The following CYRIB variants were observed in gnomAD, a reference collection of about 807,000 sequenced individuals.
CYRIB encodes CYFIP-related Rac1 interactor B.
Under a neutral mutation model 44.2 loss-of-function variants are expected in CYRIB, and 8 were observed. The ratio of observed to expected loss-of-function variants is 0.18; its 90% confidence interval spans 0.11 to 0.33. CYRIB has a LOEUF of 0.33. Ranked by LOEUF, CYRIB falls within the 10% of genes least tolerant of loss-of-function variation. CYRIB has a pLI of 1.00. For missense variants in CYRIB, 185 were observed against 382.8 expected (o/e 0.48, Z 4.31); for synonymous variants, 131 against 127.2 (o/e 1.03, Z -0.20).
intron 1 of CYRIB, among the ~76,000 whole-genome samples, chr8:129,920,537 T>TAG (rs1015992004): frequency 6.6e-6 from 1 of 152,168 alleles, no homozygotes; most frequent in African/African-American, 2.4e-5. Context: ...TTTTAACAGA[T>TAG]AGTCACCCAC....
intron 3 of CYRIB, among the ~76,000 whole-genome samples, chr8:129,875,239 A>C (rs2133570234): frequency 6.6e-6 from 1 of 152,118 alleles, no homozygotes; most frequent in East Asian, 1.9e-4. Flanking sequence ...TCCAACAACT[A>C]GAAGAGGCTA....
exon 7 of CYRIB, chr8:129,854,290 A>G: frequency 6.2e-7 from 1 of 1,610,946 alleles, no homozygotes; most frequent in Non-Finnish European, 8.5e-7. Context: ...TCCTCATACG[A>G]CTCAATGTTC....
intron 2 of CYRIB, among the ~76,000 whole-genome samples, chr8:129,891,652 A>G (rs1323457384): frequency 6.6e-6 from 1 of 152,228 alleles, no homozygotes; most frequent in Non-Finnish European, 1.5e-5. Context: ...ACTTAAAGAA[A>G]TGTGATATAA....
chr8:129,975,943 C>CA (rs533246088), intron 1 of CYRIB, among the ~76,000 whole-genome samples: 188 of 152,252 alleles, frequency 1.2e-3, no homozygotes, highest in African/African-American at 4.4e-3. Context: ...CTGGGACTGA[C>CA]AAGCACCAGG....
intron 2 of CYRIB, among the ~76,000 whole-genome samples, chr8:129,888,984 T>C (rs532993111): frequency 9.2e-5 from 14 of 152,052 alleles, no homozygotes; most frequent in African/African-American, 3.4e-4. Context: ...TCACAGCTAC[T>C]CAGGAGGCTG....
intron 4 of CYRIB, 70 bp from the exon 7 acceptor site, chr8:129,862,404 T>A: frequency 8.4e-7 from 1 of 1,195,722 alleles, no homozygotes; most frequent in Non-Finnish European, 1.2e-6. Context: ...CATTAAAATG[T>A]AGGCTTTAGC....
chr8:129,881,364 C>T (rs563993263), intron 2 of CYRIB, among the ~76,000 whole-genome samples: 4 of 152,194 alleles, frequency 2.6e-5, no homozygotes, highest in East Asian at 1.9e-4. Flanking sequence ...CCAAAGATCC[C>T]GTTGCTGGCA....
At position 129,895,327 on chromosome 8, in the gene CYRIB, C is replaced by G. The variant is rs186796254; in HGVS notation, c.-11+7985G>C. On this transcript the variant is annotated intron_variant, in intron 2 of 11. Coordinates refer to ENST00000519824, the Ensembl canonical transcript of CYRIB. ...GCAGCTTTAGAAATTCTGGATACCA[C>G]CCTTTTAATGCTTATATACAAGGCA... Among the ~76,000 whole-genome samples the G allele has an allele frequency of 4.6e-4, 70 of 151,636 alleles. No homozygotes were observed. In the South Asian group the frequency reaches 0.01, roughly 22 times the overall value.
chr8:129,891,073 T>C (rs2065179875), intron 2 of CYRIB, among the ~76,000 whole-genome samples: 1 of 152,196 alleles, frequency 6.6e-6, no homozygotes, highest in Non-Finnish European at 1.5e-5. Flanking sequence ...CTCTAGCTTC[T>C]TGTGGAACTC....
intron 4 of CYRIB, among the ~76,000 whole-genome samples, chr8:129,866,408 G>A (rs1360354068): frequency 1.3e-5 from 2 of 151,906 alleles, no homozygotes. Context: ...TCTTCTCTAT[G>A]GGATTCAAAA....
intron 1 of CYRIB, among the ~76,000 whole-genome samples, chr8:129,936,536 T>C (rs1324864622): frequency 6.6e-6 from 1 of 152,136 alleles, no homozygotes; most frequent in Non-Finnish European, 1.5e-5. Context: ...AAATGCCCAA[T>C]AAATTATTTG....
chr8:129,843,479 G>A (rs1322651415), intron 11 of CYRIB, among the ~76,000 whole-genome samples: 1 of 152,236 alleles, frequency 6.6e-6, no homozygotes, highest in Non-Finnish European at 1.5e-5. Flanking sequence ...AATGGAGACA[G>A]GTGTTCAATG....
chr8:130,007,317 A>G (rs1471569076), intron 1 of CYRIB, among the ~76,000 whole-genome samples: 1 of 152,134 alleles, frequency 6.6e-6, no homozygotes, highest in Non-Finnish European at 1.5e-5. Context: ...TTTGAGGTTC[A>G]CCCAAAGGAG....
At chr8:129,870,379 C>T (rs745611276) in intron 4 of CYRIB, among the ~76,000 whole-genome samples, 16 of 152,204 alleles carry the variant, frequency 1.1e-4, no homozygotes, top group Admixed American at 3.3e-4. Context: ...CACTGCACTC[C>T]GGCAGGGTGA....
At chr8:129,956,157 G>A (rs994985737) in intron 2 of CYRIB, among the ~76,000 whole-genome samples, 12 of 152,190 alleles carry the variant, frequency 7.9e-5, no homozygotes, top group Non-Finnish European at 1.5e-4. Flanking sequence ...GTGAGAATCA[G>A]AAGTGATTAT....
intron 2 of CYRIB, among the ~76,000 whole-genome samples, chr8:129,891,592 T>A (rs776856358): frequency 1.3e-5 from 2 of 152,176 alleles, no homozygotes; most frequent in South Asian, 4.1e-4. Flanking sequence ...AATGTTAAGA[T>A]CCATATATTT....
chr8:129,912,788 T>C (rs1167654313), intron 1 of CYRIB, among the ~76,000 whole-genome samples: 2 of 152,026 alleles, frequency 1.3e-5, no homozygotes, highest in Non-Finnish European at 2.9e-5. Context: ...TGAAGGCATA[T>C]TAAAGAGTGG....
chr8:129,948,740 C>T (rs934534151), intron 2 of CYRIB: 2 of 152,262 alleles, frequency 1.3e-5, no homozygotes, highest in Non-Finnish European at 1.5e-5. Flanking sequence ...ACATAGCATA[C>T]CATCAGAATT....
At chr8:129,997,881 G>T (rs1328597267) in intron 1 of CYRIB, among the ~76,000 whole-genome samples, 1 of 152,144 alleles carries the variant, frequency 6.6e-6, no homozygotes, top group Non-Finnish European at 1.5e-5. Flanking sequence ...ACAGCACTTT[G>T]GGAGGCCGAG....
Sources: gnomAD v4.1 joint callset for allele counts (sites outside exome capture counted in the v4.1 genomes callset) on GRCh38, gnomAD v4.1.1 for gene constraint, MANE v1.5 for transcripts, NCBI Gene and HGNC (gene_info 2026-07-23, HGNC 2026-07-21) for gene names.